Variants in ANKS1B observed in about 807,000 individuals in gnomAD.
ANKS1B encodes the protein ankyrin repeat and sterile alpha motif domain-containing protein 1B.
ANKS1B carries 36 observed loss-of-function variants against 148.3 expected under a neutral mutation model. The ratio of observed to expected loss-of-function variants is 0.24; its 90% CI spans 0.19 to 0.32. The LOEUF (loss-of-function observed/expected upper bound fraction) is 0.32. ANKS1B is among the 10% of genes least tolerant of loss of function. The probability of loss-of-function intolerance (pLI) is 1.00; values close to 1 mark genes in which losing one functional copy is unlikely to be tolerated. For missense variants in ANKS1B, 1,157 were observed against 1,542.6 expected, an observed-to-expected ratio of 0.75 and a Z score of 4.19; for synonymous variants, 542 against 560.8, an observed-to-expected ratio of 0.97 and a Z score of 0.47.
At chr12:99,461,043 T>C (rs2095954793) in intron 10 of ANKS1B, among the ~76,000 whole-genome samples, 1 of 149,432 alleles carries the variant, frequency 6.7e-6, no homozygotes, top group Non-Finnish European at 1.5e-5. Context: ...GGTGGATATA[T>C]ACATGTATAT....
chr12:99,886,166 C>G (rs1332651506), intron 1 of ANKS1B, among the ~76,000 whole-genome samples: 1 of 152,192 alleles, frequency 6.6e-6, no homozygotes, highest in African/African-American at 2.4e-5. Flanking sequence ...ACGCCAACAT[C>G]TTTGTTTTTT....
chr12:98,863,154 T>C (rs1038224553), intron 17 of ANKS1B, among the ~76,000 whole-genome samples: 3 of 152,234 alleles, frequency 2.0e-5, no homozygotes, highest in African/African-American at 4.8e-5. Flanking sequence ...TATTCCAGTC[T>C]TGTCCTGCAT....
rs946611914 is a variant in ANKS1B at position 98,751,229 on chromosome 12, G to C, written c.3747+126C>G. ...GATGATGGACACATGCCAGGAGGAG[G>C]CCAAGGGAAAGGATGAAGAAGAGGC... On this transcript the variant is annotated intron_variant, in intron 26 of 26. Coordinates refer to ENST00000683438, the MANE Select transcript of ANKS1B (RefSeq NM_001352186.2). The surrounding 1 kb of genome is among the most constrained non-coding windows in gnomAD (Gnocchi z 4.3). The C allele has an allele frequency of 1.0e-6, 1 of 978,100 alleles. No individual in the cohort carries two copies. Among genetic ancestry groups the C allele is most frequent in the Non-Finnish European group, 1.5e-6 (1 of 667,846 alleles). The allele number at this position is 978,100 out of a possible 1,614,324, so 60.6% of individuals were successfully genotyped here. A position where few individuals can be genotyped will look rare whatever the true frequency, so the allele number is the denominator to read the frequency against.
chr12:99,233,896 A>G (rs1441929711), intron 14 of ANKS1B, among the ~76,000 whole-genome samples: 6 of 152,172 alleles, frequency 3.9e-5, no homozygotes, highest in Non-Finnish European at 8.8e-5. Flanking sequence ...TCCTGATCCA[A>G]TAAATATTTT....
intron 20 of ANKS1B, among the ~76,000 whole-genome samples, chr12:98,806,762 G>T (rs879605021): frequency 2.0e-5 from 3 of 152,150 alleles, no homozygotes; most frequent in Non-Finnish European, 2.9e-5. Flanking sequence ...AAATGCAGTT[G>T]GTTATACTGA....
At chr12:99,433,713 A>G (rs924745339) in intron 11 of ANKS1B, among the ~76,000 whole-genome samples, 1 of 152,140 alleles carries the variant, frequency 6.6e-6, no homozygotes, top group Non-Finnish European at 1.5e-5. Context: ...GGAAGTGGGC[A>G]GGCCTGGAGA....
chr12:99,285,780 C>T (rs192376262), intron 12 of ANKS1B, among the ~76,000 whole-genome samples: 2 of 152,158 alleles, frequency 1.3e-5, no homozygotes, highest in East Asian at 3.9e-4. Flanking sequence ...AATTGTGGGA[C>T]TTTGCACTGA....
intron 15 of ANKS1B, among the ~76,000 whole-genome samples, chr12:99,142,463 T>C (rs2071250056): frequency 6.6e-6 from 1 of 151,970 alleles, no homozygotes; most frequent in South Asian, 2.1e-4. Flanking sequence ...GGATAGTGTC[T>C]AGAGCAGAAT....
chr12:98,758,345 A>G (rs2098313138), intron 25 of ANKS1B, among the ~76,000 whole-genome samples: 1 of 152,190 alleles, frequency 6.6e-6, no homozygotes, highest in Non-Finnish European at 1.5e-5. Context: ...CTTCTTGACC[A>G]TTACACCTTA....
chr12:98,975,816 G>T (rs1457433640), intron 17 of ANKS1B, among the ~76,000 whole-genome samples: 3 of 152,116 alleles, frequency 2.0e-5, no homozygotes, highest in Non-Finnish European at 2.9e-5. Context: ...GGTGTGATTT[G>T]CAGACCTGTA....
At chr12:99,883,616 C>CG (rs2092660993) in intron 1 of ANKS1B, among the ~76,000 whole-genome samples, 1 of 87,632 alleles carries the variant, frequency 1.1e-5, no homozygotes, top group African/African-American at 3.3e-5. Context: ...AGACTTGGGG[C>CG]AGGGGGGAAT....
chr12:98,918,246 T>G lies in ANKS1B; in HGVS notation c.2779-86110A>C, dbSNP rs11109668. On this transcript the variant is annotated intron_variant, in intron 17 of 26. Coordinates refer to ENST00000683438, the MANE Select transcript of ANKS1B (RefSeq NM_001352186.2). ...GTGAGATTCTCTTAGGAGTTTACAC[T>G]TGGAAGCAGAAAGAGAATCAGGCAA... 1.8e-3 allele frequency among the ~76,000 whole-genome samples: 268 copies of G among 152,286 alleles called. 1 individual carries two copies. Among genetic ancestry groups the G allele is most frequent in the African/African-American group, 6.4e-3 (267 of 41,566 alleles).
chr12:99,050,301 T>C (rs1197847734), intron 17 of ANKS1B, among the ~76,000 whole-genome samples: 1 of 152,200 alleles, frequency 6.6e-6, no homozygotes, highest in Non-Finnish European at 1.5e-5. Flanking sequence ...TCACATGAAC[T>C]ACCCAATTCT....
At chr12:99,309,680 A>G (rs1284316099) in intron 12 of ANKS1B, among the ~76,000 whole-genome samples, 2 of 152,126 alleles carry the variant, frequency 1.3e-5, no homozygotes, top group Non-Finnish European at 2.9e-5. Context: ...TACTTTGTCC[A>G]TTTTATTTCA....
intron 14 of ANKS1B, among the ~76,000 whole-genome samples, chr12:99,243,609 A>T (rs2089756198): frequency 6.6e-6 from 1 of 152,248 alleles, no homozygotes. Context: ...TCACAATAGC[A>T]AAGACTTGGA....
chr12:99,410,771 T>C (rs2094675264), intron 11 of ANKS1B, among the ~76,000 whole-genome samples: 1 of 152,218 alleles, frequency 6.6e-6, no homozygotes, highest in African/African-American at 2.4e-5. Context: ...AGGGAACCAG[T>C]GCAACATAAA....
intron 12 of ANKS1B, among the ~76,000 whole-genome samples, chr12:99,350,620 A>G (rs1011225439): frequency 6.6e-6 from 1 of 152,104 alleles, no homozygotes; most frequent in Non-Finnish European, 1.5e-5. Context: ...CTGTGTGAGA[A>G]AGAAATGAGA....
rs1166158783 is a variant in ANKS1B, at chr12:98,953,537, G to GTTTTT, written c.2778+99615_2778+99619dup. ...CATGTCCATTTGAGAATCTAGAGTGGTTTTTTTTTTTTTTTTTTTTTTTTT... is the reference window on the plus strand; with the variant it reads ...CATGTCCATTTGAGAATCTAGAGTGGTTTTTTTTTTTTTTTTTTTTTTTTTTTTTT... On this transcript the variant is annotated intron_variant, in intron 17 of 26. Transcript: ENST00000683438. Among the ~76,000 whole-genome samples the GTTTTT allele has an allele frequency of 2.1e-3, 119 of 57,454 alleles. 20 individuals are homozygous for GTTTTT. In the East Asian group the frequency reaches 0.026, roughly 13 times the overall value. The allele number at this position is 57,454 out of a possible 152,430, so 37.7% of individuals were successfully genotyped here. A position where few individuals can be genotyped will look rare whatever the true frequency, so the allele number is the denominator to read the frequency against.
At position 98,928,162 on chromosome 12, in the gene ANKS1B, G is replaced by A. The variant is rs1418959880; in HGVS notation, c.2779-96026C>T. Among the ~76,000 whole-genome samples the A allele has an allele frequency of 2.6e-5, 4 of 151,552 alleles. No homozygotes were observed. The South Asian group carries it at 6.2e-4, about 24-fold the overall frequency. ...TTATAAGGGAATGCCATGAACAACT[G>A]TATGCCAACAAATTAAATAATCTTG... On this transcript the variant is annotated intron_variant, in intron 17 of 26. Coordinates refer to ENST00000683438, the MANE Select transcript of ANKS1B (RefSeq NM_001352186.2).
Sources: gnomAD v4.1 joint callset for allele counts (sites outside exome capture counted in the v4.1 genomes callset) on GRCh38, gnomAD v4.1.1 for gene constraint, Gnocchi (gnomAD v3.1) non-coding constraint, MANE v1.5 for transcripts, NCBI Gene and HGNC (gene_info 2026-07-23, HGNC 2026-07-21) for gene names.